USH2A: variants seen among roughly 807,000 people sequenced by gnomAD.
The protein encoded by USH2A is Usher syndrome 2A (autosomal recessive, mild).
USH2A carries 443 observed loss-of-function variants against 538.9 expected under a neutral mutation model. That is an observed-to-expected ratio of 0.82 (90% CI 0.76 to 0.89). The LOEUF (loss-of-function observed/expected upper bound fraction) is 0.89, where lower values mean the gene tolerates loss of function less well. USH2A is among the 40% of genes least tolerant of loss of function. The pLI is 0.00. For missense variants in USH2A, 6,633 were observed against 6,324.8 expected, an observed-to-expected ratio of 1.05 and a Z score of -1.65; for synonymous variants, 2,413 against 2,273.5, an observed-to-expected ratio of 1.06 and a Z score of -1.75.
At position 216,422,364 on chromosome 1, in the gene USH2A, T is replaced by C; in HGVS notation, c.-28A>G. 6.2e-7 allele frequency: 1 copy of C among 1,613,326 alleles called. No homozygotes were observed. The highest frequency in any genetic ancestry group is 8.5e-7 in the Non-Finnish European group (1 of 1,179,728). ...TTACAAAAAAGCATTCTCCTCCTGA[T>C]AAAGCATTTCTAAATAAATAATCAG... On this transcript the variant is annotated 5_prime_UTR_variant, in exon 2 of 72. Transcript: ENST00000307340.
intron 11 of USH2A, among the ~76,000 whole-genome samples, chr1:216,280,387 A>G (rs72733331): frequency 1.3e-3 from 201 of 151,720 alleles, no homozygotes; most frequent in Middle Eastern, 6.8e-3. Context: ...TCACCCTCAA[A>G]AATACAGACA....
At chr1:215,643,751 A>G (rs1218560256) in intron 67 of USH2A, among the ~76,000 whole-genome samples, 1 of 152,160 alleles carries the variant, frequency 6.6e-6, no homozygotes, top group African/African-American at 2.4e-5. Context: ...GCTGGTCGTG[A>G]ACTCTTAGCC....
At chr1:216,344,590 G>A (rs770461448) in intron 4 of USH2A, among the ~76,000 whole-genome samples, 1 of 151,976 alleles carries the variant, frequency 6.6e-6, no homozygotes, top group African/African-American at 2.4e-5. Context: ...CAACACGGAG[G>A]AGACTCCCCT....
chr1:215,955,612 A>C (rs2102445419), intron 37 of USH2A, among the ~76,000 whole-genome samples: 1 of 152,294 alleles, frequency 6.6e-6, no homozygotes, highest in East Asian at 1.9e-4. Context: ...TAGAAGGAAA[A>C]ACATAAATTT....
In USH2A at chr1:215,888,965, C is replaced by A. The variant is rs397518033; in HGVS notation, c.7684G>T (p.Val2562Phe). The A allele has an allele frequency of 3.7e-6, 6 of 1,614,054 alleles. No individual in the cohort carries two copies. Among genetic ancestry groups the A allele is most frequent in the Admixed American group, 3.3e-5 (2 of 60,010 alleles). Residue 2562 changes from valine to phenylalanine, a missense_variant, in exon 41 of 72, where the codon GTT becomes TTT. Physicochemically the swap from Val to Phe is conservative, Grantham distance 50. Transcript: ENST00000307340. Reference sequence around the variant, plus strand: ...AGATAAATGTTATAATGGGTAATAACCCCATTGGATTTTCTAGGATGCTGC... The same window carrying A: ...AGATAAATGTTATAATGGGTAATAAACCCATTGGATTTTCTAGGATGCTGC... ...TWQHPRKSNGVITHYNIYLHG... is the reference protein window; with the variant it reads ...TWQHPRKSNGFITHYNIYLHG...
At chr1:216,070,702 A>G (rs2031530593) in intron 29 of USH2A, among the ~76,000 whole-genome samples, 1 of 151,214 alleles carries the variant, frequency 6.6e-6, no homozygotes, top group African/African-American at 2.4e-5. Flanking sequence ...TATATCTTCG[A>G]TGTATTAGCC....
intron 50 of USH2A, among the ~76,000 whole-genome samples, chr1:215,797,407 C>T (rs1662175103): frequency 6.6e-6 from 1 of 152,134 alleles, no homozygotes; most frequent in African/African-American, 2.4e-5. Flanking sequence ...ATGAAATAGC[C>T]TTGTACTGGA....
At position 215,675,567 on chromosome 1, in the gene USH2A, C is replaced by T. The variant is rs775075094; in HGVS notation, c.12344G>A (p.Arg4115His). Residue 4115 changes from arginine to histidine, a missense_variant, in exon 63 of 72, where the codon CGT becomes CAT. Transcript: ENST00000307340. ...DGFLEYSGLN[R>H]QFLFRRLDPF... ...ATCCAGGCGGCGGAAGAGAAACTGACGATTCAAACCAGAGTACTCCAGGAA... is the reference window on the plus strand; with the variant it reads ...ATCCAGGCGGCGGAAGAGAAACTGATGATTCAAACCAGAGTACTCCAGGAA... 2.7e-5 allele frequency: 43 copies of T among 1,614,012 alleles called. No homozygotes were observed. In the East Asian group the frequency reaches 4.2e-4, roughly 16 times the overall value.
chr1:216,065,409 A>G (rs775447468), intron 30 of USH2A, among the ~76,000 whole-genome samples: 2 of 152,256 alleles, frequency 1.3e-5, no homozygotes, highest in Non-Finnish European at 1.5e-5. Context: ...AATCACACAT[A>G]GAATATTGAA....
chr1:215,980,936 G>A lies in USH2A; in HGVS notation c.6806-10160C>T, dbSNP rs146966234. Among the ~76,000 whole-genome samples the A allele has an allele frequency of 1.8e-3, 267 of 152,140 alleles. 1 individual carries two copies. The highest frequency in any genetic ancestry group is 6.2e-3 in the African/African-American group (256 of 41,546). On this transcript the variant is annotated intron_variant, in intron 35 of 71. Coordinates refer to ENST00000307340, the MANE Select transcript of USH2A (RefSeq NM_206933.4). ...CATTTTTGTATATGTGTCTTGAAGCGCATACACAAATTTTCTAGGACAAAT... is the reference window on the plus strand; with the variant it reads ...CATTTTTGTATATGTGTCTTGAAGCACATACACAAATTTTCTAGGACAAAT...
In USH2A at chr1:216,396,589, C is replaced by A. The variant is rs74141580; in HGVS notation, c.651+21925G>T. Among the ~76,000 whole-genome samples the A allele has an allele frequency of 4.7e-3, 708 of 152,220 alleles. 6 individuals carry two copies. The highest frequency in any genetic ancestry group is 0.016 in the African/African-American group (680 of 41,526). The stretch of plus-strand genomic sequence containing the variant: ...ATCAAGCATTACTTATTATTTTAAT[C>A]ATTACACGAACCAGTTACATGTGTT... On this transcript the variant is annotated intron_variant, in intron 3 of 71. Coordinates refer to ENST00000307340, the MANE Select transcript of USH2A (RefSeq NM_206933.4).
intron 9 of USH2A, among the ~76,000 whole-genome samples, chr1:216,298,585 T>A (rs561289408): frequency 6.6e-6 from 1 of 152,318 alleles, no homozygotes; most frequent in Admixed American, 6.5e-5. Context: ...CTGGCCTTTC[T>A]TTTGTGGAGA....
At chr1:215,842,152 T>C (rs1571738928) in intron 46 of USH2A, among the ~76,000 whole-genome samples, 1 of 152,104 alleles carries the variant, frequency 6.6e-6, no homozygotes, top group South Asian at 2.1e-4. Context: ...GGTGAAACCC[T>C]GTCTCTACTG....
chr1:216,416,689 C>A (rs892304957), intron 3 of USH2A, among the ~76,000 whole-genome samples: 57 of 152,164 alleles, frequency 3.7e-4, no homozygotes, highest in African/African-American at 1.3e-3. Flanking sequence ...ATTTTATCCC[C>A]AAGGGAGTAA....
Position 216,199,652 on chromosome 1 carries a change from T to C in USH2A, c.3786A>G (p.Glu1262=), listed in dbSNP as rs761581978. The C allele has an allele frequency of 1.9e-5, 30 of 1,613,998 alleles. No individual in the cohort carries two copies. The highest frequency in any genetic ancestry group is 3.3e-5 in the Admixed American group (2 of 60,004). Residue 1262 remains glutamate, a synonymous_variant, in exon 17 of 72, where the codon GAA becomes GAG. Transcript: ENST00000307340. The part of the protein sequence containing the change: ...QKISSTELHV[E]WSPPAELNGI... Reference sequence around the variant, plus strand: ...CATTTAGTTCCGCTGGTGGAGACCATTCTACATGAAGTTCTGTAGAACTGA... The same window carrying C: ...CATTTAGTTCCGCTGGTGGAGACCACTCTACATGAAGTTCTGTAGAACTGA...
chr1:215,630,632 C>A (rs868460858), intron 70 of USH2A, among the ~76,000 whole-genome samples: 4 of 150,350 alleles, frequency 2.7e-5, no homozygotes, highest in African/African-American at 9.8e-5. Flanking sequence ...ACGGGTGGAT[C>A]ATTTGAGGTC....
chr1:216,200,113 A>G lies in USH2A; in HGVS notation c.3325T>C (p.Tyr1109His). 6.2e-7 allele frequency: 1 copy of G among 1,609,106 alleles called. No homozygotes were observed. The highest frequency in any genetic ancestry group is 8.5e-7 in the Non-Finnish European group (1 of 1,177,690). ...GGTAACAGGTCTGTGTCTAAGAAGTATTGAATACCTGAAATGAAAAGAAAA... is the reference window on the plus strand; with the variant it reads ...GGTAACAGGTCTGTGTCTAAGAAGTGTTGAATACCTGAAATGAAAAGAAAA... ...TEDQYPYSIQ[Y>H]FLDTDLLPYT... The change falls in exon 17 of 72, where the codon TAC becomes CAC. Residue 1109 changes from tyrosine (Y) to histidine (H), a missense_variant. Tyr to His is a moderately conservative substitution (Grantham distance 83, BLOSUM62 2). Coordinates refer to ENST00000307340, the MANE Select transcript of USH2A (RefSeq NM_206933.4).
intron 37 of USH2A, among the ~76,000 whole-genome samples, chr1:215,955,506 A>G (rs2102445349): frequency 6.6e-6 from 1 of 152,302 alleles, no homozygotes; most frequent in East Asian, 1.9e-4. Flanking sequence ...ATGAATGTCC[A>G]AATAAACAAA....
chr1:215,650,068 A>T (rs1272449107), intron 65 of USH2A, among the ~76,000 whole-genome samples: 3 of 152,322 alleles, frequency 2.0e-5, no homozygotes, highest in Middle Eastern at 3.4e-3. Flanking sequence ...ATGCTGATGG[A>T]GCTGCTCTGC....
Sources: allele counts gnomAD v4.1 joint callset (sites outside exome capture counted in the v4.1 genomes callset), GRCh38; gene constraint gnomAD v4.1.1; transcripts MANE v1.5; gene names NCBI Gene and HGNC (gene_info 2026-07-23, HGNC 2026-07-21).